The following EFCAB6 variants were observed in gnomAD, a reference collection of about 807,000 sequenced individuals.
The protein encoded by EFCAB6 is EF-hand calcium-binding domain-containing protein 6.
A neutral mutation model predicts 169.8 loss-of-function variants in EFCAB6; 156 were observed. The ratio of observed to expected loss-of-function variants is 0.92; its 90% CI spans 0.81 to 1.05. EFCAB6 has a LOEUF of 1.05. Ranked by LOEUF, EFCAB6 falls within the 50% of genes least tolerant of loss-of-function variation. The pLI is 0.00. For synonymous variants in EFCAB6, 698 were observed against 676.4 expected (o/e 1.03, Z -0.50); for missense variants, 1,800 against 1,829.1 (o/e 0.98, Z 0.29).
At chr22:43,536,316 T>C (rs1194947901) in intron 29 of EFCAB6, 15 of 152,346 alleles carry the variant, frequency 9.8e-5, no homozygotes, top group Admixed American at 4.6e-4. Context: ...TTATACTTAA[T>C]TTACAAGTGT....
At chr22:43,620,444 T>G (rs1289715704) in intron 20 of EFCAB6, among the ~76,000 whole-genome samples, 2 of 151,554 alleles carry the variant, frequency 1.3e-5, no homozygotes, top group Non-Finnish European at 3.0e-5. Flanking sequence ...TGGAACAACA[T>G]TTTTAAAGTG....
intron 8 of EFCAB6, among the ~76,000 whole-genome samples, chr22:43,721,512 A>G (rs1263240630): frequency 1.3e-5 from 2 of 152,252 alleles, no homozygotes; most frequent in Non-Finnish European, 2.9e-5. Flanking sequence ...AGACTATAGA[A>G]AGCAAAACAG....
At chr22:43,617,802 A>G (rs1206196677) in intron 20 of EFCAB6, among the ~76,000 whole-genome samples, 1 of 152,088 alleles carries the variant, frequency 6.6e-6, no homozygotes, top group Non-Finnish European at 1.5e-5. Context: ...GAACAAACAC[A>G]CAAGAAAAAC....
At chr22:43,710,173 C>A (rs1367606055) in intron 10 of EFCAB6, among the ~76,000 whole-genome samples, 1 of 152,182 alleles carries the variant, frequency 6.6e-6, no homozygotes, top group African/African-American at 2.4e-5. Context: ...TCTACATATA[C>A]CATTTCAAAT....
At chr22:43,557,383 C>T (rs181077736) in intron 26 of EFCAB6, among the ~76,000 whole-genome samples, 137 of 152,042 alleles carry the variant, frequency 9.0e-4, no homozygotes, top group African/African-American at 2.8e-3. Flanking sequence ...AAACTTCAGA[C>T]GAAATTGAAC....
chr22:43,762,335 T>C (rs1001523374), intron 5 of EFCAB6, among the ~76,000 whole-genome samples: 2 of 152,138 alleles, frequency 1.3e-5, no homozygotes, highest in African/African-American at 4.8e-5. Flanking sequence ...CTAGGCTTTG[T>C]CTCTTGTCTC....
chr22:43,780,484 C>CT (rs1206195106), intron 3 of EFCAB6, among the ~76,000 whole-genome samples: 1 of 57,776 alleles, frequency 1.7e-5, no homozygotes, highest in African/African-American at 8.1e-5. Flanking sequence ...AAGACTCTGT[C>CT]TCAAAAAAAA....
At chr22:43,779,705 ACTCCAGC>A (rs947773382) in intron 3 of EFCAB6, among the ~76,000 whole-genome samples, 60 of 152,282 alleles carry the variant, frequency 3.9e-4, no homozygotes, top group Admixed American at 6.5e-4. Flanking sequence ...GCACCACTGC[ACTCCAGC>A]CTGGGCAACA....
chr22:43,635,148 G>A lies in EFCAB6; in HGVS notation c.2052C>T (p.Phe684=), dbSNP rs201541665. 2.2e-5 allele frequency: 36 copies of A among 1,614,020 alleles called. No individual in the cohort carries two copies. In the East Asian group the frequency reaches 6.0e-4, roughly 27 times the overall value. ...CAAGATAGCTCATCCCTTCCTTCTCGAAGCCTATTTTAGTGGTCAGCAGGG... is the reference window on the plus strand; with the variant it reads ...CAAGATAGCTCATCCCTTCCTTCTCAAAGCCTATTTTAGTGGTCAGCAGGG... The part of the protein sequence containing the change: ...QYALLTTKIG[F]EKEGMSYLDF... Residue 684 remains phenylalanine (F), a synonymous_variant, in exon 18 of 32, where the codon TTC becomes TTT. Transcript: ENST00000262726.
chr22:43,780,772 A>G (rs903484413), intron 3 of EFCAB6, among the ~76,000 whole-genome samples: 19 of 152,198 alleles, frequency 1.2e-4, no homozygotes, highest in African/African-American at 4.6e-4. Flanking sequence ...TCTATTTTGC[A>G]GGCTCCCTGG....
intron 10 of EFCAB6, among the ~76,000 whole-genome samples, chr22:43,689,349 G>GCACAAACACACACACACA (rs375566793): frequency 2.0e-4 from 30 of 147,070 alleles, no homozygotes; most frequent in Middle Eastern, 3.4e-3. Flanking sequence ...GAGAGCACGT[G>GCACAAACACACACACACA]CACACACACA....
At chr22:43,552,382 C>A (rs1381516978) in intron 27 of EFCAB6, 2 of 152,210 alleles carry the variant, frequency 1.3e-5, no homozygotes, top group East Asian at 3.8e-4. Context: ...ACCACAGTGT[C>A]ATCCACAATG....
chr22:43,605,907 C>T (rs1285780730), intron 22 of EFCAB6, among the ~76,000 whole-genome samples: 1 of 152,226 alleles, frequency 6.6e-6, no homozygotes, highest in East Asian at 1.9e-4. Context: ...GGAAGTAGCT[C>T]ATCTAATGAA....
intron 2 of EFCAB6, chr22:43,797,481 A>G (rs993748706): frequency 2.6e-5 from 4 of 152,466 alleles, no homozygotes; most frequent in African/African-American, 9.7e-5. Context: ...CTACCGGAGA[A>G]CTGTGTAGGA....
chr22:43,784,509 ATATGTG>A (rs1301169744), intron 2 of EFCAB6, among the ~76,000 whole-genome samples: 3 of 94,402 alleles, frequency 3.2e-5, no homozygotes, highest in Non-Finnish European at 4.7e-5. Flanking sequence ...AAAAATATAT[ATATGTG>A]TGTGTGTGTG....
Position 43,760,203 on chromosome 22 carries a change from C to CAA in EFCAB6, c.441-4373_441-4372dup, listed in dbSNP as rs371022953. Among the ~76,000 whole-genome samples the CAA allele has an allele frequency of 2.6e-3, 267 of 103,950 alleles. 2 individuals carry two copies. The highest frequency in any genetic ancestry group is 0.018 in the East Asian group (51 of 2,848). 68.2% of individuals were successfully genotyped at this position (103,950 alleles called of 152,430 possible). ...TGGGTGACACAGCAAGACTCTGTCT[C>CAA]AAAAAAAAAAAAAAAAGAAAAAAGA... On this transcript the variant is annotated intron_variant, in intron 5 of 31. Transcript: ENST00000262726.
intron 23 of EFCAB6, among the ~76,000 whole-genome samples, chr22:43,593,425 T>C (rs2051720871): frequency 6.6e-6 from 1 of 152,222 alleles, no homozygotes; most frequent in Non-Finnish European, 1.5e-5. Context: ...AGAGCCTCAT[T>C]ACTCACAAGT....
intron 2 of EFCAB6, among the ~76,000 whole-genome samples, chr22:43,786,861 C>T (rs2062097475): frequency 6.6e-6 from 1 of 151,900 alleles, no homozygotes; most frequent in Admixed American, 6.6e-5. Context: ...TCAGACAGCA[C>T]AGTCAAGCAA....
intron 26 of EFCAB6, among the ~76,000 whole-genome samples, chr22:43,556,394 T>A (rs1202476295): frequency 6.6e-6 from 1 of 151,930 alleles, no homozygotes; most frequent in Non-Finnish European, 1.5e-5. Context: ...CGGGAACAAG[T>A]GAGATTCCCA....
Sources: gnomAD v4.1 joint callset for allele counts (sites outside exome capture counted in the v4.1 genomes callset) on GRCh38, gnomAD v4.1.1 for gene constraint, MANE v1.5 for transcripts, NCBI Gene and HGNC (gene_info 2026-07-23, HGNC 2026-07-21) for gene names.